Variants in APP observed in about 807,000 individuals in gnomAD.
The protein encoded by APP is amyloid-beta precursor protein.
Under a neutral mutation model 101.4 loss-of-function variants are expected in APP, and 31 were observed. The ratio of observed to expected loss-of-function variants is 0.31; its 90% CI spans 0.23 to 0.41. APP has a LOEUF of 0.41. Among genes scored for constraint, APP ranks in the 10% least tolerant of loss-of-function variants. The pLI is 1.00. For missense variants in APP, 839 were observed against 1,003.7 expected (o/e 0.84, Z 2.22); for synonymous variants, 366 against 364.4 (o/e 1.00, Z -0.05).
chr21:25,934,887 C>T (rs1029542800), intron 13 of APP: 5 of 152,278 alleles, frequency 3.3e-5, no homozygotes, highest in African/African-American at 1.2e-4. Flanking sequence ...CAGCTCTGTT[C>T]CTCTTCCAAT....
chr21:25,893,329 C>G (rs926038934), intron 16 of APP, among the ~76,000 whole-genome samples: 1 of 152,136 alleles, frequency 6.6e-6, no homozygotes, highest in African/African-American at 2.4e-5. Context: ...CTTAAGTATT[C>G]AAGTGAAAGG....
intron 8 of APP, among the ~76,000 whole-genome samples, chr21:25,996,390 A>C (rs902172355): frequency 7.2e-5 from 8 of 111,804 alleles, no homozygotes; most frequent in Admixed American, 3.1e-4. Flanking sequence ...TGCGTGTACG[A>C]ATTAGTCCAT....
intron 1 of APP, among the ~76,000 whole-genome samples, chr21:26,158,968 C>T (rs2063429832): frequency 6.6e-6 from 1 of 152,238 alleles, no homozygotes; most frequent in African/African-American, 2.4e-5. Flanking sequence ...TATTTACTCA[C>T]AGCCCCACCC....
intron 1 of APP, among the ~76,000 whole-genome samples, chr21:26,127,076 C>A (rs774192896): frequency 6.6e-6 from 1 of 151,856 alleles, no homozygotes. Context: ...CAGAAGATTG[C>A]CCCATAATTA....
chr21:26,017,505 T>A (rs1000801253), intron 6 of APP, among the ~76,000 whole-genome samples: 1 of 151,920 alleles, frequency 6.6e-6, no homozygotes, highest in Non-Finnish European at 1.5e-5. Context: ...AATCTGCCAG[T>A]CTCCCAGGAG....
chr21:26,016,259 C>T (rs1243516951), intron 6 of APP, among the ~76,000 whole-genome samples: 1 of 152,166 alleles, frequency 6.6e-6, no homozygotes, highest in Non-Finnish European at 1.5e-5. Context: ...TCTCTAACTC[C>T]TGACCTCAGG....
At chr21:26,077,648 G>A (rs963030123) in intron 3 of APP, among the ~76,000 whole-genome samples, 1 of 151,854 alleles carries the variant, frequency 6.6e-6, no homozygotes, top group Non-Finnish European at 1.5e-5. Flanking sequence ...TCTCTCCTGC[G>A]ACCAGCCTCG....
chr21:25,894,822 T>C (rs1400819489), intron 16 of APP, among the ~76,000 whole-genome samples: 2 of 152,248 alleles, frequency 1.3e-5, no homozygotes, highest in Non-Finnish European at 2.9e-5. Flanking sequence ...TTTTGAAAGC[T>C]GTTCTACTGT....
intron 16 of APP, among the ~76,000 whole-genome samples, chr21:25,895,981 A>G (rs2038018005): frequency 6.6e-6 from 1 of 152,220 alleles, no homozygotes; most frequent in Admixed American, 6.5e-5. Context: ...TCACTGTCGC[A>G]TTATAGGCGT....
At chr21:26,121,040 G>A (rs1203793385) in intron 1 of APP, among the ~76,000 whole-genome samples, 1 of 152,102 alleles carries the variant, frequency 6.6e-6, no homozygotes, top group Non-Finnish European at 1.5e-5. Context: ...GAAGAGAGTG[G>A]GCTGAGAAAT....
At chr21:25,945,384 T>TTTTTTTG (rs2040768494) in intron 13 of APP, 1 of 128,134 alleles carries the variant, frequency 7.8e-6, no homozygotes, top group Non-Finnish European at 1.5e-5. Context: ...TCCGCACTTT[T>TTTTTTTG]TTTTTTTTTT....
intron 11 of APP, among the ~76,000 whole-genome samples, chr21:25,971,889 C>G (rs1166656960): frequency 1.3e-5 from 2 of 152,154 alleles, no homozygotes; most frequent in Non-Finnish European, 2.9e-5. Flanking sequence ...TCAAAAGGAT[C>G]AAACTGTTTC....
intron 11 of APP, among the ~76,000 whole-genome samples, chr21:25,960,593 A>G (rs1329877238): frequency 6.6e-6 from 1 of 152,108 alleles, no homozygotes; most frequent in East Asian, 1.9e-4. Flanking sequence ...TGCATTAGTG[A>G]GATTTGGCCT....
chr21:26,037,323 G>A (rs2045161341), intron 5 of APP, among the ~76,000 whole-genome samples: 2 of 152,172 alleles, frequency 1.3e-5, no homozygotes, highest in Admixed American at 1.3e-4. Flanking sequence ...GATGACTACA[G>A]TTAACAGTAA....
chr21:26,081,426 A>G, intron 3 of APP, among the ~76,000 whole-genome samples: 1 of 139,242 alleles, frequency 7.2e-6, no homozygotes, highest in African/African-American at 2.7e-5. Context: ...CAGGGTGCTC[A>G]GTGGGGGAGT....
At chr21:25,897,253 C>T (rs993651774) in intron 16 of APP, among the ~76,000 whole-genome samples, 2 of 152,090 alleles carry the variant, frequency 1.3e-5, no homozygotes, top group Non-Finnish European at 2.9e-5. Flanking sequence ...GCTGGGACTA[C>T]AGGTGTTTGC....
intron 15 of APP, among the ~76,000 whole-genome samples, chr21:25,901,910 A>G (rs1173312190): frequency 6.6e-6 from 1 of 152,120 alleles, no homozygotes; most frequent in Non-Finnish European, 1.5e-5. Context: ...GTAGCTTTCT[A>G]CCCTATGTGA....
intron 1 of APP, among the ~76,000 whole-genome samples, chr21:26,114,613 G>A (rs1000242070): frequency 6.6e-6 from 1 of 152,162 alleles, no homozygotes; most frequent in East Asian, 1.9e-4. Context: ...GCCATGTTCT[G>A]AGACATTTGG....
intron 3 of APP, among the ~76,000 whole-genome samples, chr21:26,061,237 G>C (rs531048248): frequency 8.5e-5 from 13 of 152,306 alleles, no homozygotes; most frequent in African/African-American, 2.4e-4. Context: ...TTATACTGAA[G>C]ATGATGGAAA....
Sources: allele counts gnomAD v4.1 joint callset (sites outside exome capture counted in the v4.1 genomes callset), GRCh38; gene constraint gnomAD v4.1.1; transcripts MANE v1.5; gene names NCBI Gene and HGNC (gene_info 2026-07-23, HGNC 2026-07-21).